Variants in NOTCH1 observed in about 807,000 individuals in gnomAD.
NOTCH1 encodes the protein neurogenic locus notch homolog protein 1.
NOTCH1 carries 37 observed loss-of-function variants against 254.8 expected under a neutral mutation model. The ratio of observed to expected loss-of-function variants is 0.15; its 90% CI spans 0.11 to 0.19. The LOEUF (loss-of-function observed/expected upper bound fraction) is 0.19. Among genes scored for constraint, NOTCH1 ranks in the 10% least tolerant of loss-of-function variants. NOTCH1 has a pLI of 1.00. For missense variants in NOTCH1, 2,972 were observed against 3,708.6 expected, an observed-to-expected ratio of 0.80 and a Z score of 5.16; for synonymous variants, 1,731 against 1,618.1, an observed-to-expected ratio of 1.07 and a Z score of -1.68.
chr9:136,507,467 C>G lies in NOTCH1; in HGVS notation c.3511-30G>C, dbSNP rs918238424. The G allele has an allele frequency of 1.9e-6, 3 of 1,575,816 alleles. No individual in the cohort carries two copies. In the East Asian group the frequency reaches 6.9e-5, roughly 36 times the overall value. ...GCAGGCGACAGAACGAGGGGCCCTT[C>G]GGCTCAGCCGGCGCCAGGATGCAGT... On this transcript the variant is annotated intron_variant, in intron 21 of 33. Transcript: ENST00000651671.
At chr9:136,535,560 A>AGGG (rs1368760421) in intron 2 of NOTCH1, among the ~76,000 whole-genome samples, 12 of 36,274 alleles carry the variant, frequency 3.3e-4, no homozygotes, top group Non-Finnish European at 3.8e-4. Flanking sequence ...CAATGGGTGC[A>AGGG]TGGTGGGTGG....
Position 136,497,380 on chromosome 9 carries a change from C to T in NOTCH1, c.6359G>A (p.Arg2120His), listed in dbSNP as rs766836819. The stretch of plus-strand genomic sequence containing the variant: ...CGGGGCTCCGTGCAGCTGCGGGCTG[C>T]GCACCAGGTTGTACTCGTCCAGCAG... ...VRLLDEYNLV[R>H]SPQLHGAPLG... The change falls in exon 34 of 34, where the codon CGC becomes CAC. Residue 2120 changes from arginine (R) to histidine (H), a missense_variant. Physicochemically the swap from Arg to His is conservative, Grantham distance 29. Coordinates refer to ENST00000651671, the MANE Select transcript of NOTCH1 (RefSeq NM_017617.5). 8.1e-6 allele frequency: 13 copies of T among 1,608,992 alleles called. No homozygotes were observed. Among genetic ancestry groups the T allele is most frequent in the East Asian group, 4.5e-5 (2 of 44,866 alleles).
intron 30 of NOTCH1, 81 bp from the exon 31 acceptor site, chr9:136,500,928 G>A (rs1329887276): frequency 2.8e-6 from 4 of 1,453,000 alleles, no homozygotes; most frequent in African/African-American, 1.4e-5. Flanking sequence ...GCAGCCCCAA[G>A]CTCAAGGGGC....
intron 2 of NOTCH1, among the ~76,000 whole-genome samples, chr9:136,537,253 T>C (rs547688946): frequency 6.6e-6 from 1 of 152,312 alleles, no homozygotes; most frequent in African/African-American, 2.4e-5. Flanking sequence ...GGCCAGTCCC[T>C]GATGCTTCTG....
At chr9:136,544,512 G>A (rs925455311) in intron 1 of NOTCH1, among the ~76,000 whole-genome samples, 2 of 152,156 alleles carry the variant, frequency 1.3e-5, no homozygotes, top group African/African-American at 2.4e-5. Context: ...TCCAGCCGCC[G>A]AGATTGCCTC....
chr9:136,542,235 G>A (rs1269231063), intron 2 of NOTCH1, among the ~76,000 whole-genome samples: 1 of 152,110 alleles, frequency 6.6e-6, no homozygotes, highest in Admixed American at 6.6e-5. Context: ...GAAGCAACAG[G>A]CCCCCAATTT....
chr9:136,529,400 T>C (rs1843523360), intron 2 of NOTCH1, among the ~76,000 whole-genome samples: 1 of 152,150 alleles, frequency 6.6e-6, no homozygotes, highest in Admixed American at 6.5e-5. Context: ...CTAGACCAAG[T>C]TTCCCCAATC....
At chr9:136,512,161 C>T (rs1473790862) in intron 15 of NOTCH1, among the ~76,000 whole-genome samples, 1 of 152,252 alleles carries the variant, frequency 6.6e-6, no homozygotes, top group African/African-American at 2.4e-5. Context: ...ATCGACGTGT[C>T]TGAAAGGGAC....
rs757631575 is a variant in NOTCH1, at chr9:136,518,142, G to C, written c.1250C>G (p.Ser417Trp). 1.3e-6 allele frequency: 2 copies of C among 1,588,004 alleles called. No homozygotes were observed. ...CCCCCTGTGCTGGCACCTACCCAGC[G>C]AGCACTCATCCACGTCCTGGCTGCA... ...PACSQDVDEC[S>W]LGANPCEHAG... Residue 417 changes from serine to tryptophan, a missense_variant, in exon 7 of 34, where the codon TCG (serine) becomes TGG (tryptophan). By Grantham distance (177) the Ser-to-Trp change is radical (BLOSUM62 -3). Coordinates refer to ENST00000651671, the MANE Select transcript of NOTCH1 (RefSeq NM_017617.5).
intron 8 of NOTCH1, 91 bp from the exon 9 acceptor site, chr9:136,517,476 C>G (rs906955128): frequency 1.8e-5 from 18 of 996,034 alleles, no homozygotes; most frequent in South Asian, 2.8e-5. Flanking sequence ...CGAACCCTGC[C>G]TCCAGCCCAG....
Position 136,545,048 on chromosome 9 carries a change from C to T in NOTCH1, c.61+678G>A, listed in dbSNP as rs1324172948. Among the ~76,000 whole-genome samples the T allele has an allele frequency of 6.6e-6, 1 of 152,108 alleles. No individual in the cohort carries two copies. Among genetic ancestry groups the T allele is most frequent in the East Asian group, 1.9e-4 (1 of 5,174 alleles). ...GTGCGGCGGGGAGAAATGTAAGAGC[C>T]CCCCACCCGCGTCCCGCTCTCCGCC... On this transcript the variant is annotated intron_variant, in intron 1 of 33. Transcript: ENST00000651671. This position sits in a 1 kb window ranked among gnomAD's most constrained non-coding sequence, Gnocchi z 6.8.
At chr9:136,522,179 G>A (rs1026236788) in intron 4 of NOTCH1, among the ~76,000 whole-genome samples, 4 of 152,090 alleles carry the variant, frequency 2.6e-5, no homozygotes, top group South Asian at 4.1e-4. Context: ...GGGTTTCGCC[G>A]TGTTAGCCAG....
intron 33 of NOTCH1, among the ~76,000 whole-genome samples, 170 bp downstream of exon 33, chr9:136,498,729 G>A (rs1842952878): frequency 6.6e-6 from 1 of 152,200 alleles, no homozygotes; most frequent in African/African-American, 2.4e-5. Flanking sequence ...AGGAAGGCAG[G>A]AGCACTAACG....
intron 2 of NOTCH1, among the ~76,000 whole-genome samples, chr9:136,526,689 C>T (rs899815353): frequency 6.6e-6 from 1 of 152,234 alleles, no homozygotes; most frequent in Non-Finnish European, 1.5e-5. Context: ...ACTCCCCACC[C>T]TGAGCGCGGA....
chr9:136,510,512 C>T lies in NOTCH1; in HGVS notation c.2740+141G>A, dbSNP rs528527074. 7 of 1,137,918 alleles carry T rather than the reference C, an allele frequency of 6.2e-6. No individual in the cohort carries two copies. The South Asian group carries it at 8.2e-5, about 13-fold the overall frequency. The allele number at this position is 1,137,918 out of a possible 1,614,324, so 70.5% of individuals were successfully genotyped here. ...CACCCTGGCCATCCCTCAGCACATC[C>T]CCCACACCTGACCCAACCCTCCCCG... On this transcript the variant is annotated intron_variant, in intron 17 of 33. Coordinates refer to ENST00000651671, the MANE Select transcript of NOTCH1 (RefSeq NM_017617.5).
At chr9:136,510,016 G>A (rs1589062194) in intron 17 of NOTCH1, 55 bp from the exon 18 acceptor site, 1 of 1,522,032 alleles carries the variant, frequency 6.6e-7, no homozygotes, top group East Asian at 2.3e-5. Context: ...CACACCTGCG[G>A]GAGGGGGCCG....
rs1314382039 is a variant in NOTCH1, at chr9:136,497,646, TAC to T, written c.6181-90_6181-89del. On this transcript the variant is annotated intron_variant, in intron 33 of 33. Coordinates refer to ENST00000651671, the MANE Select transcript of NOTCH1 (RefSeq NM_017617.5). ...GTTCCATCACCAGAGGAAGCAGCAG[TAC>T]AACCTCCTCCGCGGGGTGGGGGCAG... 2.8e-5 allele frequency: 33 copies of T among 1,183,514 alleles called. No individual in the cohort carries two copies. The African/African-American group carries it at 4.9e-4, about 17-fold the overall frequency. 73.3% of individuals were successfully genotyped at this position (1,183,514 alleles called of 1,614,324 possible).
At chr9:136,533,651 C>T (rs1012195583) in intron 2 of NOTCH1, among the ~76,000 whole-genome samples, 3 of 152,252 alleles carry the variant, frequency 2.0e-5, no homozygotes, top group African/African-American at 4.8e-5. Context: ...TGCTGCCTCC[C>T]GCAGGGTCGA....
Position 136,523,864 on chromosome 9 carries a change from C to T in NOTCH1, c.256G>A (p.Ala86Thr), listed in dbSNP as rs373941045. Reference protein sequence around the residue: ...VVDRRGVADYACSCALGFSGP... With the variant: ...VVDRRGVADYTCSCALGFSGP... The stretch of plus-strand genomic sequence containing the variant: ...GAGAAGCCCAGGGCACAGCTGCAGG[C>T]ATAGTCTGCCACGCCTCTGCGGTCC... The change falls in exon 3 of 34, where the codon GCC becomes ACC. Residue 86 changes from alanine to threonine, a missense_variant. Transcript: ENST00000651671. 1.2e-6 allele frequency: 2 copies of T among 1,611,078 alleles called. No individual in the cohort carries two copies. Among genetic ancestry groups the T allele is most frequent in the Non-Finnish European group, 1.7e-6 (2 of 1,179,390 alleles).
Sources: allele counts gnomAD v4.1 joint callset (sites outside exome capture counted in the v4.1 genomes callset), GRCh38; gene constraint gnomAD v4.1.1; non-coding constraint Gnocchi (gnomAD v3.1); transcripts MANE v1.5; gene names NCBI Gene and HGNC (gene_info 2026-07-23, HGNC 2026-07-21).